The following FANCB variants were observed in gnomAD, a reference collection of about 807,000 sequenced individuals.
FANCB encodes the protein FA complementation group B, also known as Fanconi anemia group B protein.
Under a neutral mutation model 38.9 loss-of-function variants are expected in FANCB, and 5 were observed. The observed-to-expected ratio is 0.13, with a 90% CI of 0.07 to 0.27. The LOEUF (loss-of-function observed/expected upper bound fraction) is 0.27. Ranked by LOEUF, FANCB falls within the 10% of genes least tolerant of loss-of-function variation. The pLI is 1.00. For synonymous variants in FANCB, 236 were observed against 215.4 expected, an observed-to-expected ratio of 1.10 and a Z score of -0.84; for missense variants, 573 against 602.7, an observed-to-expected ratio of 0.95 and a Z score of 0.52.
At chrX:14,690,643 C>T in the FANCB span, 1 of 786,526 alleles carries the variant, frequency 1.3e-6, no homozygotes, top group Non-Finnish European at 1.9e-6. Context: ...TCCTGGCAGG[C>T]TTTCATAGTC....
chrX:14,808,708 G>T, the FANCB span, among the ~76,000 whole-genome samples: 1 of 111,980 alleles, frequency 8.9e-6, no homozygotes, highest in Admixed American at 9.4e-5. Flanking sequence ...TGGAAATCCT[G>T]GCTAGAGCAA....
the FANCB span, among the ~76,000 whole-genome samples, chrX:14,698,178 T>A: frequency 1.8e-5 from 2 of 111,448 alleles, no homozygotes; most frequent in South Asian, 7.5e-4. Context: ...TTGTTCACCA[T>A]GGATTTTTTG....
In FANCB at chrX:14,864,542, TTACAA is replaced by T; in HGVS notation, c.951+13_951+17del. On this transcript the variant is annotated intron_variant, in intron 3 of 9. Transcript: ENST00000650831. Reference sequence around the variant, plus strand: ...TCTGAGACCACCAACTGAATTATTATTACAATAAGTGTTGTACCTGAAAGCTCTCT... The same window carrying T: ...TCTGAGACCACCAACTGAATTATTATTAAGTGTTGTACCTGAAAGCTCTCT... 9.9e-7 allele frequency: 1 copy of T among 1,008,984 alleles called. No homozygotes were observed. Among genetic ancestry groups the T allele is most frequent in the South Asian group, 1.9e-5 (1 of 52,726 alleles). 83.2% of individuals were successfully genotyped at this position (1,008,984 alleles called of 1,213,427 possible). A position where few individuals can be genotyped will look rare whatever the true frequency, so the allele number is the denominator to read the frequency against.
the FANCB span, among the ~76,000 whole-genome samples, chrX:14,793,096 G>A: frequency 1.8e-5 from 2 of 111,653 alleles, no homozygotes; most frequent in African/African-American, 6.5e-5. Flanking sequence ...ATTTCAATAA[G>A]CCAAGCAATT....
intron 2 of FANCB, among the ~76,000 whole-genome samples, chrX:14,866,472 C>T (rs183042761): frequency 9.1e-4 from 102 of 111,545 alleles, no homozygotes; most frequent in African/African-American, 3.1e-3. Flanking sequence ...GGTTACAACA[C>T]TAATCCACAG....
At chrX:14,775,554 G>T in the FANCB span, among the ~76,000 whole-genome samples, 76 of 111,469 alleles carry the variant, frequency 6.8e-4, no homozygotes, top group African/African-American at 2.5e-3. Context: ...GCCCAGTGAA[G>T]TCTCAGCTTG....
the FANCB span, among the ~76,000 whole-genome samples, chrX:14,798,601 C>T: frequency 7.1e-5 from 8 of 111,917 alleles, no homozygotes; most frequent in Non-Finnish European, 1.5e-4. Context: ...AAAACAAATA[C>T]AAGAGACTTC....
chrX:14,793,917 G>A, the FANCB span, among the ~76,000 whole-genome samples: 1 of 111,763 alleles, frequency 8.9e-6, no homozygotes, highest in Non-Finnish European at 1.9e-5. Flanking sequence ...AAGGGCAGGA[G>A]ATGAGAGGAC....
chrX:14,764,569 C>A, the FANCB span, among the ~76,000 whole-genome samples: 1 of 111,436 alleles, frequency 9.0e-6, no homozygotes, highest in Non-Finnish European at 1.9e-5. Context: ...AAGCAAGAAG[C>A]AAATCCAAGG....
chrX:14,780,850 A>G, the FANCB span, among the ~76,000 whole-genome samples: 1 of 108,615 alleles, frequency 9.2e-6, no homozygotes, highest in Non-Finnish European at 1.9e-5. Flanking sequence ...TGTAAAAACC[A>G]TTGCTAGTTC....
the FANCB span, among the ~76,000 whole-genome samples, chrX:14,778,535 C>T: frequency 2.7e-5 from 3 of 111,870 alleles, no homozygotes; most frequent in African/African-American, 9.8e-5. Flanking sequence ...AGAGATTAAT[C>T]CTAGATGATG....
chrX:14,820,784 T>C, the FANCB span, among the ~76,000 whole-genome samples: 1 of 111,795 alleles, frequency 8.9e-6, no homozygotes, highest in African/African-American at 3.2e-5. Flanking sequence ...TTTTTGTTAT[T>C]AAAATGCATT....
At chrX:14,728,380 G>A in the FANCB span, among the ~76,000 whole-genome samples, 55 of 111,238 alleles carry the variant, frequency 4.9e-4, 1 homozygote, top group South Asian at 0.02. Flanking sequence ...GCAACAGAGT[G>A]AGACTGTCTC....
the FANCB span, among the ~76,000 whole-genome samples, chrX:14,755,748 T>C: frequency 9.0e-6 from 1 of 110,981 alleles, no homozygotes; most frequent in East Asian, 2.8e-4. Context: ...ATGGATTCAA[T>C]GCAATCCCTA....
At chrX:14,802,869 G>A in the FANCB span, among the ~76,000 whole-genome samples, 1 of 111,665 alleles carries the variant, frequency 9.0e-6, no homozygotes, top group Non-Finnish European at 1.9e-5. Context: ...ATGTCCAGGT[G>A]AATTAGGATG....
downstream of FANCB, chrX:14,835,355 G>A: frequency 2.3e-6 from 1 of 435,986 alleles, no homozygotes; most frequent in Non-Finnish European, 4.3e-6. Context: ...GGGAGAGAAG[G>A]TGGACAGAGA....
chrX:14,701,166 ATGTT>A, the FANCB span, among the ~76,000 whole-genome samples: 1 of 110,794 alleles, frequency 9.0e-6, no homozygotes, highest in Admixed American at 9.6e-5. Context: ...AAACTTTGAA[ATGTT>A]TGTGAATTGC....
chrX:14,848,936 TTG>T lies in FANCB; in HGVS notation c.1496+1567_1496+1568del, dbSNP rs376982407. 3.1e-3 allele frequency among the ~76,000 whole-genome samples: 338 copies of T among 110,330 alleles called. 1 individual carries two copies. Among genetic ancestry groups the T allele is most frequent in the African/African-American group, 0.01 (304 of 30,317 alleles). Reference sequence around the variant, plus strand: ...CCCCCCGGACCCAGCTTTCACTATCTTGTGTGTGTGTGTTATTTCTCAACCTG... The same window carrying T: ...CCCCCCGGACCCAGCTTTCACTATCTTGTGTGTGTGTTATTTCTCAACCTG... On this transcript the variant is annotated intron_variant, in intron 7 of 9. Transcript: ENST00000650831.
chrX:14,821,870 G>A, the FANCB span, among the ~76,000 whole-genome samples: 1 of 111,868 alleles, frequency 8.9e-6, no homozygotes, highest in Non-Finnish European at 1.9e-5. Flanking sequence ...GAGAAAAAAT[G>A]AGAGCATCCT....
Sources: gnomAD v4.1 joint callset for allele counts (sites outside exome capture counted in the v4.1 genomes callset) on GRCh38, gnomAD v4.1.1 for gene constraint, MANE v1.5 for transcripts, NCBI Gene and HGNC (gene_info 2026-07-23, HGNC 2026-07-21) for gene names.